The following SLC4A4 variants were observed in gnomAD, a reference collection of about 807,000 sequenced individuals.
The protein encoded by SLC4A4 is electrogenic sodium bicarbonate cotransporter 1.
SLC4A4 carries 27 observed loss-of-function variants against 111.5 expected under a neutral mutation model. The observed-to-expected ratio is 0.24, with a 90% CI of 0.18 to 0.33. SLC4A4 has a LOEUF of 0.33. SLC4A4 is among the 10% of genes least tolerant of loss of function. The pLI is 1.00. For missense variants in SLC4A4, 909 were observed against 1,315.5 expected, an observed-to-expected ratio of 0.69 and a Z score of 4.78; for synonymous variants, 443 against 463.4, an observed-to-expected ratio of 0.96 and a Z score of 0.57.
intron 16 of SLC4A4, among the ~76,000 whole-genome samples, chr4:71,505,750 C>T (rs893492709): frequency 2.0e-5 from 3 of 152,050 alleles, no homozygotes; most frequent in East Asian, 1.9e-4. Context: ...GTGTCTTCAT[C>T]GTGAAATCTT....
At chr4:71,454,975 A>G (rs1376604394) in intron 12 of SLC4A4, among the ~76,000 whole-genome samples, 2 of 152,118 alleles carry the variant, frequency 1.3e-5, no homozygotes, top group East Asian at 3.9e-4. Flanking sequence ...TGGGGTCTGG[A>G]TACTCTCCAC....
rs1396482870 is a variant in SLC4A4 at position 71,102,134 on chromosome 4, C to A, written c.-2+9342C>A. Among the ~76,000 whole-genome samples, 3 of 151,966 alleles carry A rather than the reference C, an allele frequency of 2.0e-5. No individual in the cohort carries two copies. The East Asian group carries it at 5.8e-4, about 29-fold the overall frequency. ...AACTATGTGAAGAATGCAGAAGCCT[C>A]AGGAGCAGATGCGATCAACTGGAAG... On this transcript the variant is annotated intron_variant, in intron 2 of 26. Transcript: ENST00000649996.
At chr4:71,504,709 A>AT (rs1397150005) in intron 16 of SLC4A4, among the ~76,000 whole-genome samples, 5 of 138,622 alleles carry the variant, frequency 3.6e-5, no homozygotes, top group Non-Finnish European at 8.1e-5. Context: ...CTTTTTTTGT[A>AT]TTTTTTTTAA....
rs114754596 is a variant in SLC4A4, at chr4:71,295,422, G to T, written c.253+40023G>T. Among the ~76,000 whole-genome samples, 1,372 of 152,212 alleles carry T rather than the reference G, an allele frequency of 9.0e-3. 24 individuals carry two copies. Among genetic ancestry groups the T allele is most frequent in the African/African-American group, 0.032 (1,320 of 41,526 alleles). ...TACATCCTTTTAAATATCAACAGAA[G>T]AAATTTTCAGAGGTTTTACCTTGAT... On this transcript the variant is annotated intron_variant, in intron 3 of 25. Transcript: ENST00000264485.
At chr4:71,349,286 C>A (rs1729604286) in intron 4 of SLC4A4, among the ~76,000 whole-genome samples, 1 of 152,076 alleles carries the variant, frequency 6.6e-6, no homozygotes, top group Admixed American at 6.5e-5. Context: ...TGGAACCAGA[C>A]TTGAAGGGTA....
chr4:71,381,208 C>T (rs1718107202), intron 6 of SLC4A4, among the ~76,000 whole-genome samples: 3 of 152,144 alleles, frequency 2.0e-5, no homozygotes, highest in South Asian at 4.1e-4. Flanking sequence ...ACTATAATGA[C>T]AAGCTTTTCC....
intron 2 of SLC4A4, among the ~76,000 whole-genome samples, chr4:71,123,837 G>A (rs760517200): frequency 6.6e-6 from 1 of 152,114 alleles, no homozygotes; most frequent in Non-Finnish European, 1.5e-5. Flanking sequence ...GTCTGAGATG[G>A]TTTTAACTGA....
chr4:71,306,417 C>T (rs1223516694), intron 3 of SLC4A4, among the ~76,000 whole-genome samples: 1 of 152,086 alleles, frequency 6.6e-6, no homozygotes, highest in Non-Finnish European at 1.5e-5. Flanking sequence ...CCTGTCTCTA[C>T]TAAAAATACA....
rs762624708 is a variant in SLC4A4 at position 71,317,000 on chromosome 4, G to C, written c.254-22370G>C. Among the ~76,000 whole-genome samples, 18 of 151,996 alleles carry C rather than the reference G, an allele frequency of 1.2e-4. 1 individual carries two copies. Among genetic ancestry groups the C allele is most frequent in the Admixed American group, 1.1e-3 (17 of 15,256 alleles). On this transcript the variant is annotated intron_variant, in intron 3 of 25. Transcript: ENST00000264485. Reference sequence around the variant, plus strand: ...GCCACTCAAGTAACAGGCTACAGGCGTGCACCAGTATGTCAGGCTCACATG... The same window carrying C: ...GCCACTCAAGTAACAGGCTACAGGCCTGCACCAGTATGTCAGGCTCACATG...
chr4:71,280,384 A>G (rs1196723781), intron 3 of SLC4A4, among the ~76,000 whole-genome samples: 1 of 152,212 alleles, frequency 6.6e-6, no homozygotes. Context: ...TTTGCTGTGC[A>G]AAAACTTTTC....
intron 12 of SLC4A4, among the ~76,000 whole-genome samples, chr4:71,457,506 A>G (rs1317000827): frequency 6.6e-6 from 1 of 152,146 alleles, no homozygotes; most frequent in East Asian, 1.9e-4. Context: ...TTCATCTGAG[A>G]TGCAACCCTG....
At chr4:71,218,657 G>A (rs937906668) in intron 1 of SLC4A4, among the ~76,000 whole-genome samples, 4 of 152,118 alleles carry the variant, frequency 2.6e-5, no homozygotes, top group African/African-American at 4.8e-5. Context: ...CTTAGTAGCT[G>A]TGTGAACTTG....
chr4:71,515,274 A>G (rs1019736366), intron 16 of SLC4A4, among the ~76,000 whole-genome samples: 1 of 151,996 alleles, frequency 6.6e-6, no homozygotes, highest in African/African-American at 2.4e-5. Context: ...ATATATTTTT[A>G]TAAATTTCCG....
At chr4:71,330,049 C>A (rs185677887) in intron 3 of SLC4A4, among the ~76,000 whole-genome samples, 2 of 152,254 alleles carry the variant, frequency 1.3e-5, no homozygotes, top group African/African-American at 4.8e-5. Flanking sequence ...AATGCTTTTT[C>A]AGCATCAATT....
intron 3 of SLC4A4, among the ~76,000 whole-genome samples, chr4:71,331,729 G>T (rs1305724960): frequency 8.3e-6 from 1 of 120,334 alleles, no homozygotes; most frequent in African/African-American, 3.1e-5. Flanking sequence ...TTAAAGTATT[G>T]AAAAAAAAAA....
chr4:71,566,979 G>A lies in SLC4A4; in HGVS notation c.3197-25G>A, dbSNP rs987236383. On this transcript the variant is annotated intron_variant, in intron 24 of 25. Coordinates refer to ENST00000264485, the MANE Select transcript of SLC4A4 (RefSeq NM_001098484.3). ...ACTTCACCAAAGATCTACCATTTAT[G>A]TTTTTAAAAAATTTTATTTTCCAGG... 3 of 1,595,324 alleles carry A rather than the reference G, an allele frequency of 1.9e-6. No homozygotes were observed. In the Admixed American group the frequency reaches 5.0e-5, roughly 27 times the overall value.
At chr4:71,098,687 A>C (rs1742628708) in intron 2 of SLC4A4, among the ~76,000 whole-genome samples, 1 of 152,170 alleles carries the variant, frequency 6.6e-6, no homozygotes, top group South Asian at 2.1e-4. Context: ...GATAAAAAGC[A>C]AGACCCAATG....
chr4:71,286,213 C>T (rs1436808341), intron 3 of SLC4A4, among the ~76,000 whole-genome samples: 1 of 152,082 alleles, frequency 6.6e-6, no homozygotes, highest in Non-Finnish European at 1.5e-5. Flanking sequence ...GCACTCCATC[C>T]TGGGTGACAG....
intron 7 of SLC4A4, among the ~76,000 whole-genome samples, chr4:71,413,859 G>T (rs1243539795): frequency 6.6e-6 from 1 of 152,132 alleles, no homozygotes; most frequent in African/African-American, 2.4e-5. Context: ...AAGGGTGGTT[G>T]TTCCTTTTCC....
Sources: allele counts gnomAD v4.1 joint callset (sites outside exome capture counted in the v4.1 genomes callset), GRCh38; gene constraint gnomAD v4.1.1; transcripts MANE v1.5; gene names NCBI Gene and HGNC (gene_info 2026-07-23, HGNC 2026-07-21).